RCN1: variants seen among roughly 807,000 people sequenced by gnomAD.
RCN1 encodes the protein reticulocalbin 1.
A neutral mutation model predicts 34.7 loss-of-function variants in RCN1; 14 were observed. The ratio of observed to expected loss-of-function variants is 0.40; its 90% CI spans 0.27 to 0.63. The LOEUF is 0.63. Among genes scored for constraint, RCN1 ranks in the 30% least tolerant of loss-of-function variants. The probability of loss-of-function intolerance (pLI) is 0.37; values close to 1 mark genes in which losing one functional copy is unlikely to be tolerated. For missense variants in RCN1, 326 were observed against 425.1 expected, an observed-to-expected ratio of 0.77 and a Z score of 2.05; for synonymous variants, 125 against 165.5, an observed-to-expected ratio of 0.76 and a Z score of 1.88.
intron 2 of RCN1, among the ~76,000 whole-genome samples, 156 bp from the exon 3 acceptor site, chr11:32,098,194 G>A (rs1382097691): frequency 6.6e-6 from 1 of 152,186 alleles, no homozygotes; most frequent in African/African-American, 2.4e-5. Flanking sequence ...ACTGATATTA[G>A]AGGCATTCTG....
chr11:32,091,960 C>T (rs564290558), intron 1 of RCN1, among the ~76,000 whole-genome samples: 3 of 152,150 alleles, frequency 2.0e-5, no homozygotes, highest in African/African-American at 4.8e-5. Context: ...TTCCTGGTCT[C>T]GGCCGCAGTG....
Position 32,098,404 on chromosome 11 carries a change from T to C in RCN1, c.503T>C (p.Leu168Pro). ...GATCATCACACCTTTAAAAAGATGC[T>C]GCCACGTGATGAGAGAAGATTCAAA... ...SSDHHTFKKM[L>P]PRDERRFKAA... is the part of the protein sequence containing the mutation. Residue 168 changes from leucine to proline, a missense_variant, in exon 3 of 6, where the codon CTG becomes CCG. Physicochemically the swap from Leu to Pro is moderately conservative, Grantham distance 98 (BLOSUM62 -3). Coordinates refer to ENST00000054950, the MANE Select transcript of RCN1 (RefSeq NM_002901.4). 1 of 1,614,034 alleles carries C rather than the reference T, an allele frequency of 6.2e-7. No homozygotes were observed. The highest frequency in any genetic ancestry group is 8.5e-7 in the Non-Finnish European group (1 of 1,179,996).
chr11:32,091,585 A>G (rs963153994), intron 1 of RCN1, 135 bp downstream of exon 1: 2 of 1,163,014 alleles, frequency 1.7e-6, no homozygotes, highest in Admixed American at 3.3e-5. Flanking sequence ...GCCCTGCCCA[A>G]CTCGGCGCTG....
intron 1 of RCN1, among the ~76,000 whole-genome samples, chr11:32,095,081 C>T (rs777268346): frequency 3.1e-4 from 47 of 152,250 alleles, no homozygotes; most frequent in Non-Finnish European, 6.5e-4. Context: ...TCCCAGTTGG[C>T]GTTGGGTAAC....
At chr11:32,098,028 G>T (rs760758219) in intron 2 of RCN1, among the ~76,000 whole-genome samples, 5 of 152,204 alleles carry the variant, frequency 3.3e-5, no homozygotes, top group Non-Finnish European at 7.3e-5. Context: ...GTACCAAAGA[G>T]CCTCTGTATG....
chr11:32,098,303 C>T (rs762988471), intron 2 of RCN1, 47 bp from the exon 3 acceptor site: 1 of 1,544,242 alleles, frequency 6.5e-7, no homozygotes, highest in South Asian at 1.2e-5. Flanking sequence ...AAACGCCTTT[C>T]TTGACCGCAC....
At chr11:32,096,857 G>A (rs1302697392) in intron 1 of RCN1, 2 of 328,140 alleles carry the variant, frequency 6.1e-6, no homozygotes, top group Non-Finnish European at 1.1e-5. Context: ...CCAGAGCACA[G>A]TGCTGAGAAT....
At chr11:32,096,790 G>T (rs184346568) in intron 1 of RCN1, 211 of 196,712 alleles carry the variant, frequency 1.1e-3, no homozygotes, top group African/African-American at 4.1e-3. Context: ...CTACAGCAGG[G>T]AAGATTAATA....
chr11:32,097,030 T>G, intron 1 of RCN1, 114 bp from the exon 2 acceptor site: 1 of 768,250 alleles, frequency 1.3e-6, no homozygotes, highest in Non-Finnish European at 2.0e-6. Context: ...TGTATGTGCA[T>G]TTTGGATTGT....
intron 1 of RCN1, among the ~76,000 whole-genome samples, chr11:32,094,938 A>G (rs1301886233): frequency 6.6e-6 from 1 of 152,222 alleles, no homozygotes; most frequent in Non-Finnish European, 1.5e-5. Flanking sequence ...TATTCTTACA[A>G]CAAATATTTA....
rs1363801932 is a variant in RCN1 at position 32,104,677 on chromosome 11, G to C, written c.*205G>C. On this transcript the variant is annotated 3_prime_UTR_variant, in exon 6 of 6. Transcript: ENST00000054950. ...TTCAGTAAGATTTCTCTCAAAACAC[G>C]TGAAAACCTTGGTAAATTGCAATTC... 4 of 474,740 alleles carry C rather than the reference G, an allele frequency of 8.4e-6. No individual in the cohort carries two copies. The highest frequency in any genetic ancestry group is 1.1e-5 in the Non-Finnish European group (3 of 268,012). The allele number at this position is 474,740 out of a possible 1,614,324, so 29.4% of individuals were successfully genotyped here.
In RCN1 at chr11:32,100,543, C is replaced by T. The variant is rs1852025135; in HGVS notation, c.628-5C>T. 1.2e-6 allele frequency: 2 copies of T among 1,613,244 alleles called. No homozygotes were observed. The highest frequency in any genetic ancestry group is 1.7e-6 in the Non-Finnish European group (2 of 1,179,366). The stretch of plus-strand genomic sequence containing the variant: ...TTGCATTCTGTTTTACCTTTTGCTT[C>T]CTAGGAAACCCTGGAGGACATCGAC... On this transcript the variant is annotated splice_region_variant and splice_polypyrimidine_tract_variant and intron_variant, in intron 3 of 5. Transcript: ENST00000054950.
In RCN1 at chr11:32,091,084, T is replaced by G; in HGVS notation, c.-113T>G. On this transcript the variant is annotated 5_prime_UTR_variant, in exon 1 of 6. Transcript: ENST00000054950. ...GCGGAGGGACTGGCCAGTCCCCTCCTCCGCGCCGGCCCCAACCCTGTCGCT... is the reference window on the plus strand; with the variant it reads ...GCGGAGGGACTGGCCAGTCCCCTCCGCCGCGCCGGCCCCAACCCTGTCGCT... The G allele has an allele frequency of 8.2e-7, 1 of 1,214,984 alleles. No homozygotes were observed. The allele number at this position is 1,214,984 out of a possible 1,614,324, so 75.3% of individuals were successfully genotyped here.
intron 3 of RCN1, 108 bp from the exon 4 acceptor site, chr11:32,100,440 G>A (rs1436061495): frequency 4.6e-6 from 4 of 875,496 alleles, no homozygotes; most frequent in Non-Finnish European, 7.6e-6. Context: ...TGAGCCAGAA[G>A]TCACCAAGCA....
rs1277114188 is a variant in RCN1, at chr11:32,097,208, T to C, written c.319T>C (p.Trp107Arg). The C allele has an allele frequency of 6.2e-7, 1 of 1,603,292 alleles. No individual in the cohort carries two copies. Among genetic ancestry groups the C allele is most frequent in the African/African-American group, 1.3e-5 (1 of 74,082 alleles). Residue 107 changes from tryptophan (W) to arginine (R), a missense_variant, in exon 2 of 6, where the codon TGG (tryptophan) becomes CGG (arginine). Transcript: ENST00000054950. ...TGTCACTACTGAGGAGCTGAAAACC[T>C]GGATCAAACGGGTGCAGAAAAGATA... Reference protein sequence around the residue: ...GFVTTEELKTWIKRVQKRYIF... With the variant: ...GFVTTEELKTRIKRVQKRYIF...
chr11:32,091,504 C>A (rs1309103092), intron 1 of RCN1, 54 bp downstream of exon 1: 10 of 1,521,702 alleles, frequency 6.6e-6, no homozygotes, highest in Non-Finnish European at 7.9e-6. Context: ...CGAGGGCCGC[C>A]TGGGCGAGAG....
intron 3 of RCN1, 27 bp from the exon 4 acceptor site, chr11:32,100,521 C>A: frequency 6.3e-7 from 1 of 1,595,820 alleles, no homozygotes; most frequent in Non-Finnish European, 8.6e-7. Flanking sequence ...GGCCATCTTG[C>A]ATTCTGTTTT....
chr11:32,100,867 T>C (rs551066620), intron 4 of RCN1, among the ~76,000 whole-genome samples: 2 of 152,274 alleles, frequency 1.3e-5, no homozygotes, highest in South Asian at 4.1e-4. Context: ...CCCATGACTC[T>C]GAGAGGTGCC....
intron 1 of RCN1, 83 bp downstream of exon 1, chr11:32,091,533 C>A: frequency 6.8e-7 from 1 of 1,481,348 alleles, no homozygotes; most frequent in South Asian, 1.3e-5. Context: ...GATACCACCG[C>A]CAAAGCGAAA....
Sources: gnomAD v4.1 joint callset for allele counts (sites outside exome capture counted in the v4.1 genomes callset) on GRCh38, gnomAD v4.1.1 for gene constraint, MANE v1.5 for transcripts, NCBI Gene and HGNC (gene_info 2026-07-23, HGNC 2026-07-21) for gene names.